ZPBP: variants seen among roughly 807,000 people sequenced by gnomAD.
ZPBP encodes zona pellucida binding protein.
In ZPBP, 26 loss-of-function variants were observed where a neutral mutation model predicts 44.8. The ratio of observed to expected loss-of-function variants is 0.58; its 90% confidence interval spans 0.43 to 0.81. The LOEUF (loss-of-function observed/expected upper bound fraction) is 0.81. ZPBP is among the 30% of genes least tolerant of loss of function. The pLI is 0.00. For missense variants in ZPBP, 409 were observed against 434.0 expected (o/e 0.94, Z 0.51); for synonymous variants, 174 against 153.2 (o/e 1.14, Z -1.00).
intron 6 of ZPBP, among the ~76,000 whole-genome samples, chr7:49,992,412 G>A (rs963683793): frequency 1.3e-5 from 2 of 152,004 alleles, no homozygotes; most frequent in Non-Finnish European, 2.9e-5. Context: ...AAACACATTT[G>A]AAAAATAAAC....
intron 6 of ZPBP, among the ~76,000 whole-genome samples, chr7:49,985,654 A>C (rs1204207073): frequency 6.2e-5 from 9 of 146,090 alleles, no homozygotes; most frequent in Non-Finnish European, 1.1e-4. Flanking sequence ...AAAAAAAAAA[A>C]AAAAAACCTA....
chr7:50,041,625 T>G (rs1033710848), intron 4 of ZPBP, among the ~76,000 whole-genome samples: 1 of 152,108 alleles, frequency 6.6e-6, no homozygotes, highest in Non-Finnish European at 1.5e-5. Flanking sequence ...ACAAAAAGGA[T>G]GTTCACACAA....
chr7:49,914,480 C>T (rs1449396135), intron 1 of ZPBP: 1 of 152,168 alleles, frequency 6.6e-6, no homozygotes, highest in Admixed American at 6.5e-5. Flanking sequence ...GTTATTACAC[C>T]AAAGTAACTC....
At chr7:50,084,155 G>T (rs141876354) in intron 2 of ZPBP, among the ~76,000 whole-genome samples, 1 of 151,850 alleles carries the variant, frequency 6.6e-6, no homozygotes, top group African/African-American at 2.4e-5. Context: ...TACCAAAAAT[G>T]GAAAAAGTTG....
chr7:50,028,378 C>T (rs1225471422), intron 5 of ZPBP, among the ~76,000 whole-genome samples: 1 of 151,948 alleles, frequency 6.6e-6, no homozygotes, highest in African/African-American at 2.4e-5. Context: ...AAGTATCATA[C>T]TCAACAGTGA....
intron 2 of ZPBP, among the ~76,000 whole-genome samples, chr7:49,897,133 G>T (rs1193638323): frequency 6.6e-6 from 1 of 151,840 alleles, no homozygotes; most frequent in Non-Finnish European, 1.5e-5. Flanking sequence ...CTGACCTCAT[G>T]ATCCACCCGC....
intron 7 of ZPBP, among the ~76,000 whole-genome samples, chr7:49,980,535 G>T (rs1295549292): frequency 6.6e-6 from 1 of 151,646 alleles, no homozygotes; most frequent in African/African-American, 2.4e-5. Context: ...TGGGCATTCG[G>T]TGAGGGCCTC....
At position 50,018,271 on chromosome 7, in the gene ZPBP, T is replaced by C; in HGVS notation, c.752A>G (p.His251Arg). 8 of 1,611,030 alleles carry C rather than the reference T, an allele frequency of 5.0e-6. No individual in the cohort carries two copies. Among genetic ancestry groups the C allele is most frequent in the East Asian group, 2.2e-5 (1 of 44,698 alleles). Reference sequence around the variant, plus strand: ...AAGTCTTTTGTAAGGTTCACAGTTATGGTCTGTACATCGCTTGGGTCCTTT... The same window carrying C: ...AAGTCTTTTGTAAGGTTCACAGTTACGGTCTGTACATCGCTTGGGTCCTTT... ...TEKGPKRCTD[H>R]NCEPYKRLFK... Residue 251 changes from histidine to arginine, a missense_variant, in exon 6 of 8, where the codon CAT becomes CGT. Physicochemically the swap from His to Arg is conservative, Grantham distance 29. Coordinates refer to ENST00000046087, the MANE Select transcript of ZPBP (RefSeq NM_007009.3).
At chr7:49,871,078 C>G (rs1583718000) in intron 2 of ZPBP, among the ~76,000 whole-genome samples, 1 of 152,166 alleles carries the variant, frequency 6.6e-6, no homozygotes, top group East Asian at 1.9e-4. Context: ...GAATGGAGAG[C>G]TAATGGAGCC....
At chr7:50,007,773 T>C (rs1199438958) in intron 6 of ZPBP, among the ~76,000 whole-genome samples, 2 of 151,972 alleles carry the variant, frequency 1.3e-5, no homozygotes, top group East Asian at 1.9e-4. Flanking sequence ...GGAAAAAATA[T>C]ATATTTTTCA....
At chr7:49,862,871 T>C (rs969295641) in intron 2 of ZPBP, among the ~76,000 whole-genome samples, 1 of 152,218 alleles carries the variant, frequency 6.6e-6, no homozygotes, top group Non-Finnish European at 1.5e-5. Flanking sequence ...TTCACTTTGC[T>C]ACTGTTTCAC....
chr7:50,036,055 T>G (rs1020535711), intron 4 of ZPBP, among the ~76,000 whole-genome samples: 1 of 152,330 alleles, frequency 6.6e-6, no homozygotes, highest in East Asian at 1.9e-4. Context: ...ATTTGGTAAA[T>G]TGCATGAGAG....
intron 2 of ZPBP, among the ~76,000 whole-genome samples, chr7:50,085,563 C>T (rs1802593628): frequency 6.6e-6 from 1 of 152,038 alleles, no homozygotes; most frequent in East Asian, 1.9e-4. Flanking sequence ...TCAAAGCCTC[C>T]CTCCCAGAGT....
At position 50,035,396 on chromosome 7, in the gene ZPBP, G is replaced by A. The variant is rs77339853; in HGVS notation, c.488-4086C>T. 6.1e-3 allele frequency among the ~76,000 whole-genome samples: 933 copies of A among 152,312 alleles called. 65 individuals carry two copies. The East Asian group carries it at 0.16, about 26-fold the overall frequency. The stretch of plus-strand genomic sequence containing the variant: ...CTTGCTTTCTACTAAATAGGTGACA[G>A]TAATTCACCCACCATAAGTGCAAAT... On this transcript the variant is annotated intron_variant, in intron 4 of 7. Transcript: ENST00000046087.
intron 2 of ZPBP, among the ~76,000 whole-genome samples, chr7:49,860,804 TAAG>T (rs1790619344): frequency 2.0e-5 from 3 of 152,146 alleles, no homozygotes; most frequent in Admixed American, 1.3e-4. Context: ...GGTCTCCCTA[TAAG>T]AAGAAGAGAC....
intron 2 of ZPBP, among the ~76,000 whole-genome samples, chr7:49,863,346 C>T (rs77502008): frequency 0.048 from 7,336 of 152,218 alleles, 180 homozygotes; most frequent in African/African-American, 0.067. Context: ...CTCTTTTTAT[C>T]TTCGCCACTC....
chr7:50,017,097 A>G (rs187656583), intron 6 of ZPBP, among the ~76,000 whole-genome samples: 64 of 152,160 alleles, frequency 4.2e-4, no homozygotes, highest in Admixed American at 2.8e-3. Flanking sequence ...CACTTTATTT[A>G]TATTATTATT....
intron 2 of ZPBP, among the ~76,000 whole-genome samples, chr7:49,868,349 A>G (rs1791000548): frequency 1.3e-5 from 2 of 152,222 alleles, no homozygotes; most frequent in Non-Finnish European, 2.9e-5. Flanking sequence ...AGATATTTCA[A>G]AGTATTGATG....
chr7:49,969,399 A>G (rs540382363), intron 7 of ZPBP, among the ~76,000 whole-genome samples: 2 of 151,290 alleles, frequency 1.3e-5, no homozygotes, highest in East Asian at 1.9e-4. Context: ...CAAAACTGAC[A>G]CAAAATATAC....
Sources: gnomAD v4.1 joint callset for allele counts (sites outside exome capture counted in the v4.1 genomes callset) on GRCh38, gnomAD v4.1.1 for gene constraint, MANE v1.5 for transcripts, NCBI Gene and HGNC (gene_info 2026-07-23, HGNC 2026-07-21) for gene names.